The following MCPH1 variants were observed in gnomAD, a reference collection of about 807,000 sequenced individuals.
The protein encoded by MCPH1 is microcephalin.
Under a neutral mutation model 84.5 loss-of-function variants are expected in MCPH1, and 104 were observed. That is an observed-to-expected ratio of 1.23 (90% CI 1.05 to 1.45). MCPH1 has a LOEUF of 1.45. Ranked by LOEUF, MCPH1 falls within the 40% of genes most tolerant of loss-of-function variation. The pLI is 0.00. For synonymous variants in MCPH1, 514 were observed against 366.8 expected (o/e 1.40, Z -4.58); for missense variants, 1,498 against 1,005.7 (o/e 1.49, Z -6.62).
chr8:6,450,327 C>T (rs1287958828), intron 8 of MCPH1, among the ~76,000 whole-genome samples: 1 of 151,884 alleles, frequency 6.6e-6, no homozygotes, highest in African/African-American at 2.4e-5. Context: ...GTTCTCTGTC[C>T]TTTAGTGCAG....
At chr8:6,475,643 G>C (rs1467272056) in intron 9 of MCPH1, among the ~76,000 whole-genome samples, 1 of 152,198 alleles carries the variant, frequency 6.6e-6, no homozygotes, top group Non-Finnish European at 1.5e-5. Flanking sequence ...TCTATCCCCA[G>C]GTCACCAGAA....
At chr8:6,570,811 T>G (rs981291315) in intron 12 of MCPH1, among the ~76,000 whole-genome samples, 159 of 150,582 alleles carry the variant, frequency 1.1e-3, no homozygotes, top group Middle Eastern at 3.4e-3. Flanking sequence ...TTGTTTTTTT[T>G]TTTTTTTTTT....
At chr8:6,586,564 C>T (rs942850470) in intron 12 of MCPH1, among the ~76,000 whole-genome samples, 13 of 152,108 alleles carry the variant, frequency 8.5e-5, no homozygotes, top group African/African-American at 3.1e-4. Context: ...CACTCTGTGC[C>T]GGTCATAGGG....
chr8:6,509,890 T>C (rs762260647), intron 12 of MCPH1, among the ~76,000 whole-genome samples: 1 of 152,220 alleles, frequency 6.6e-6, no homozygotes, highest in African/African-American at 2.4e-5. Flanking sequence ...ATCACAGGAC[T>C]GACTGGGACC....
At chr8:6,416,802 T>A (rs1055929800) in intron 3 of MCPH1, among the ~76,000 whole-genome samples, 15 of 141,938 alleles carry the variant, frequency 1.1e-4, no homozygotes, top group Non-Finnish European at 2.3e-4. Context: ...GAGACCAGCC[T>A]GATCAATATG....
At chr8:6,431,398 C>G (rs920147082) in intron 3 of MCPH1, 101 bp from the exon 4 acceptor site, 2 of 846,154 alleles carry the variant, frequency 2.4e-6, no homozygotes, top group Middle Eastern at 3.0e-4. Context: ...AATGACCTAG[C>G]TATGGATTTC....
At chr8:6,522,124 G>A (rs1056638269) in intron 12 of MCPH1, among the ~76,000 whole-genome samples, 17 of 152,208 alleles carry the variant, frequency 1.1e-4, no homozygotes, top group Admixed American at 4.6e-4. Flanking sequence ...GGGAGGCCGA[G>A]GCGGGCGGAT....
At chr8:6,507,952 T>G (rs1208789132) in intron 12 of MCPH1, 2 of 152,172 alleles carry the variant, frequency 1.3e-5, no homozygotes, top group Non-Finnish European at 2.9e-5. Flanking sequence ...TACCAACCCA[T>G]CTGTTTTAAG....
chr8:6,556,190 T>G (rs560363067), intron 12 of MCPH1, among the ~76,000 whole-genome samples: 1 of 152,324 alleles, frequency 6.6e-6, no homozygotes, highest in East Asian at 1.9e-4. Context: ...AAGAGGTAAT[T>G]TAAAATATGT....
At chr8:6,503,827 T>G (rs1182886071) in intron 12 of MCPH1, among the ~76,000 whole-genome samples, 1 of 151,974 alleles carries the variant, frequency 6.6e-6, no homozygotes, top group Non-Finnish European at 1.5e-5. Context: ...GCAGGAGAGG[T>G]GTCCAGCACA....
intron 12 of MCPH1, chr8:6,503,211 G>T (rs1209421506): frequency 1.2e-6 from 2 of 1,614,018 alleles, no homozygotes; most frequent in Non-Finnish European, 1.7e-6. Context: ...TGCCTCTGTG[G>T]ATAGTACATT....
intron 12 of MCPH1, among the ~76,000 whole-genome samples, chr8:6,503,767 C>T (rs73522611): frequency 0.015 from 2,340 of 152,198 alleles, 63 homozygotes; most frequent in African/African-American, 0.054. Flanking sequence ...GTTTCAGAGA[C>T]AAAAAGGAAA....
intron 12 of MCPH1, chr8:6,501,824 G>A (rs968268735): frequency 5.3e-5 from 8 of 151,912 alleles, no homozygotes; most frequent in African/African-American, 1.5e-4. Flanking sequence ...CCAATGTACT[G>A]GGATTATAGG....
At chr8:6,568,849 G>A (rs1351520926) in intron 12 of MCPH1, among the ~76,000 whole-genome samples, 2 of 152,220 alleles carry the variant, frequency 1.3e-5, no homozygotes, top group African/African-American at 2.4e-5. Flanking sequence ...GGTGACTGCT[G>A]CAGACTTATT....
intron 9 of MCPH1, among the ~76,000 whole-genome samples, chr8:6,470,186 A>C (rs182501941): frequency 6.6e-6 from 1 of 152,210 alleles, no homozygotes. Context: ...ATATATTGCT[A>C]ATAATAAGAT....
chr8:6,565,030 C>T (rs1826038934), intron 12 of MCPH1, among the ~76,000 whole-genome samples: 1 of 152,080 alleles, frequency 6.6e-6, no homozygotes, highest in Non-Finnish European at 1.5e-5. Context: ...CTAAGGGAAC[C>T]AATTAAAGAT....
chr8:6,640,037 C>A (rs73184468), intron 13 of MCPH1, among the ~76,000 whole-genome samples: 9,935 of 148,924 alleles, frequency 0.067, 412 homozygotes, highest in Middle Eastern at 0.14. Flanking sequence ...TGCAATACGG[C>A]TGGCTTCTGC....
chr8:6,466,385 G>T (rs1806949529), intron 9 of MCPH1, among the ~76,000 whole-genome samples: 1 of 150,888 alleles, frequency 6.6e-6, no homozygotes, highest in African/African-American at 2.4e-5. Context: ...TCGGCTCACT[G>T]CAACCTCCAC....
At chr8:6,540,478 C>A (rs186141897) in intron 12 of MCPH1, among the ~76,000 whole-genome samples, 1 of 152,320 alleles carries the variant, frequency 6.6e-6, no homozygotes, top group East Asian at 1.9e-4. Flanking sequence ...TTGTAGGGCA[C>A]ATGTATATTT....
Sources: allele counts gnomAD v4.1 joint callset (sites outside exome capture counted in the v4.1 genomes callset), GRCh38; gene constraint gnomAD v4.1.1; transcripts MANE v1.5; gene names NCBI Gene and HGNC (gene_info 2026-07-23, HGNC 2026-07-21).